The following CFAP299 variants were observed in gnomAD, a reference collection of about 807,000 sequenced individuals.
The protein encoded by CFAP299 is cilia and flagella associated protein 299.
Under a neutral mutation model 27.0 loss-of-function variants are expected in CFAP299, and 21 were observed. The ratio of observed to expected loss-of-function variants is 0.78; its 90% confidence interval spans 0.55 to 1.12. The LOEUF is 1.12. Among genes scored for constraint, CFAP299 ranks in the 50% most tolerant of loss-of-function variants. The probability of loss-of-function intolerance (pLI) is 0.00; values close to 1 mark genes in which losing one functional copy is unlikely to be tolerated. For missense variants in CFAP299, 310 were observed against 276.6 expected, an observed-to-expected ratio of 1.12 and a Z score of -0.86; for synonymous variants, 104 against 98.1, an observed-to-expected ratio of 1.06 and a Z score of -0.36.
At chr4:80,418,291 A>G (rs1727115910) in intron 2 of CFAP299, among the ~76,000 whole-genome samples, 1 of 152,138 alleles carries the variant, frequency 6.6e-6, no homozygotes. Context: ...ATGTATATGC[A>G]TATGTACATG....
chr4:80,477,099 A>C (rs111654478), intron 2 of CFAP299, among the ~76,000 whole-genome samples: 137 of 152,004 alleles, frequency 9.0e-4, no homozygotes, highest in African/African-American at 3.1e-3. Flanking sequence ...TTGCCTAGCA[A>C]GTTAGAGTGT....
At chr4:80,762,009 C>CA (rs1474584350) in intron 3 of CFAP299, among the ~76,000 whole-genome samples, 5 of 151,858 alleles carry the variant, frequency 3.3e-5, no homozygotes, top group Non-Finnish European at 5.9e-5. Context: ...TATTTGTGTA[C>CA]ATGTTTATAT....
At chr4:80,566,681 GTTTC>G (rs1735305991) in intron 2 of CFAP299, among the ~76,000 whole-genome samples, 1 of 152,012 alleles carries the variant, frequency 6.6e-6, no homozygotes. Context: ...CAAACAAGAG[GTTTC>G]TTTCTTTGCT....
At chr4:80,377,901 A>G (rs143639827) in intron 2 of CFAP299, among the ~76,000 whole-genome samples, 1 of 152,272 alleles carries the variant, frequency 6.6e-6, no homozygotes, top group African/African-American at 2.4e-5. Context: ...GGTGAAACGC[A>G]CTTCTCACAT....
chr4:80,692,086 G>A (rs980299140), intron 3 of CFAP299, among the ~76,000 whole-genome samples: 1 of 152,152 alleles, frequency 6.6e-6, no homozygotes, highest in African/African-American at 2.4e-5. Flanking sequence ...TCATAGGTAG[G>A]AAGAATCAAT....
intron 2 of CFAP299, among the ~76,000 whole-genome samples, chr4:80,582,629 C>T (rs1334977169): frequency 1.3e-5 from 2 of 151,740 alleles, no homozygotes; most frequent in Non-Finnish European, 3.0e-5. Flanking sequence ...ATAGGTCAAC[C>T]TAGTTTCGTT....
intron 2 of CFAP299, among the ~76,000 whole-genome samples, chr4:80,440,063 T>C (rs1336470959): frequency 6.6e-6 from 1 of 152,144 alleles, no homozygotes; most frequent in Non-Finnish European, 1.5e-5. Context: ...CAGGGGCTTA[T>C]AGATAAAACT....
chr4:80,875,973 G>A (rs1733354375), intron 4 of CFAP299, among the ~76,000 whole-genome samples: 1 of 151,940 alleles, frequency 6.6e-6, no homozygotes, highest in South Asian at 2.1e-4. Flanking sequence ...TCTCCCTCAG[G>A]TTGTTCCATA....
chr4:80,872,915 C>G, intron 4 of CFAP299: 5 of 925,362 alleles, frequency 5.4e-6, no homozygotes, highest in Non-Finnish European at 6.4e-6. Flanking sequence ...GTGTGTAGTT[C>G]TTCTTCTTTT....
chr4:80,512,778 T>C (rs1199492910), intron 2 of CFAP299, among the ~76,000 whole-genome samples: 3 of 152,126 alleles, frequency 2.0e-5, no homozygotes, highest in African/African-American at 7.2e-5. Flanking sequence ...TGCTTTGTAC[T>C]TCCCTCTGCA....
chr4:80,503,246 C>T (rs1339972482), intron 2 of CFAP299, among the ~76,000 whole-genome samples: 1 of 152,012 alleles, frequency 6.6e-6, no homozygotes, highest in Non-Finnish European at 1.5e-5. Flanking sequence ...TTTTAGCACT[C>T]CCTCTGATCT....
chr4:80,735,697 A>G (rs1723818044), intron 3 of CFAP299, among the ~76,000 whole-genome samples: 1 of 152,090 alleles, frequency 6.6e-6, no homozygotes, highest in South Asian at 2.1e-4. Flanking sequence ...AAATGATCAT[A>G]TGGTTTTTGT....
chr4:80,488,765 C>T (rs553043338), intron 2 of CFAP299, among the ~76,000 whole-genome samples: 210 of 152,236 alleles, frequency 1.4e-3, no homozygotes, highest in African/African-American at 4.5e-3. Flanking sequence ...CGTGAGCCAC[C>T]GCACCCGGCC....
At chr4:80,476,763 T>A (rs1730291255) in intron 2 of CFAP299, among the ~76,000 whole-genome samples, 2 of 152,152 alleles carry the variant, frequency 1.3e-5, no homozygotes, top group Admixed American at 1.3e-4. Context: ...TCTCCTTTTC[T>A]GACTGGATCT....
chr4:80,329,428 A>G, the CFAP299 span, among the ~76,000 whole-genome samples: 4 of 152,104 alleles, frequency 2.6e-5, no homozygotes, highest in Non-Finnish European at 1.5e-5. Context: ...CTCAAAGCCT[A>G]GCACAGTTCC....
At chr4:80,505,335 A>T (rs948841983) in intron 2 of CFAP299, among the ~76,000 whole-genome samples, 2 of 152,140 alleles carry the variant, frequency 1.3e-5, no homozygotes, top group South Asian at 4.1e-4. Flanking sequence ...AACTTGGTAC[A>T]TTTTAAAGTA....
At chr4:80,779,189 C>T (rs1726731518) in intron 3 of CFAP299, among the ~76,000 whole-genome samples, 1 of 152,086 alleles carries the variant, frequency 6.6e-6, no homozygotes, top group Non-Finnish European at 1.5e-5. Context: ...CTGCATTAAG[C>T]AGTCTGATCC....
intron 5 of CFAP299, among the ~76,000 whole-genome samples, chr4:80,961,246 C>T (rs898183241): frequency 2.6e-5 from 4 of 151,272 alleles, no homozygotes; most frequent in African/African-American, 9.7e-5. Flanking sequence ...AAAAACAAAC[C>T]CAAGTAGAAT....
At chr4:80,431,649 C>G (rs545199096) in intron 2 of CFAP299, among the ~76,000 whole-genome samples, 1 of 152,074 alleles carries the variant, frequency 6.6e-6, no homozygotes, top group Admixed American at 6.6e-5. Context: ...GATTGGCAGC[C>G]GCTTGGTTAT....
Sources: allele counts gnomAD v4.1 joint callset (sites outside exome capture counted in the v4.1 genomes callset), GRCh38; gene constraint gnomAD v4.1.1; transcripts MANE v1.5; gene names NCBI Gene and HGNC (gene_info 2026-07-23, HGNC 2026-07-21).